HECTD2: variants seen among roughly 807,000 people sequenced by gnomAD.
HECTD2 encodes probable E3 ubiquitin-protein ligase HECTD2.
HECTD2 carries 35 observed loss-of-function variants against 103.2 expected under a neutral mutation model. That is an observed-to-expected ratio of 0.34 (90% CI 0.26 to 0.45). The LOEUF (loss-of-function observed/expected upper bound fraction) is 0.45, where lower values mean the gene tolerates loss of function less well. Among genes scored for constraint, HECTD2 ranks in the 20% least tolerant of loss-of-function variants. HECTD2 has a pLI of 1.00. For missense variants in HECTD2, 596 were observed against 937.4 expected, an observed-to-expected ratio of 0.64 and a Z score of 4.76; for synonymous variants, 281 against 329.9, an observed-to-expected ratio of 0.85 and a Z score of 1.61.
chr10:91,496,603 T>C (rs1846674544), intron 15 of HECTD2, among the ~76,000 whole-genome samples: 1 of 152,202 alleles, frequency 6.6e-6, no homozygotes, highest in Admixed American at 6.5e-5. Flanking sequence ...GAATCCAGGC[T>C]CTGTCACTTA....
chr10:91,461,215 T>C lies in HECTD2; in HGVS notation c.408-39T>C, dbSNP rs181371951. On this transcript the variant is annotated intron_variant, in intron 3 of 20. Transcript: ENST00000298068. ...GTAATACTAGTTTATCTGAATAATA[T>C]TTCTATATGTATATACGGTTAATGT... 41 of 885,948 alleles carry C rather than the reference T, an allele frequency of 4.6e-5. No individual in the cohort carries two copies. In the East Asian group the frequency reaches 8.7e-4, roughly 19 times the overall value. The allele number at this position is 885,948 out of a possible 1,614,324, so 54.9% of individuals were successfully genotyped here.
intron 2 of HECTD2, among the ~76,000 whole-genome samples, chr10:91,458,389 T>C (rs1845201970): frequency 6.6e-6 from 1 of 152,018 alleles, no homozygotes; most frequent in South Asian, 2.1e-4. Context: ...GCATTTCCTG[T>C]CAAAATTCCT....
In HECTD2 at chr10:91,503,617, G is replaced by A. The variant is rs569872462; in HGVS notation, c.2210+2283G>A. On this transcript the variant is annotated intron_variant, in intron 20 of 20. Transcript: ENST00000298068. ...CGAGATTATATCCCGCACTTGGCTC[G>A]GAGGGTCCTACCCCACGGAGTCTCG... Among the ~76,000 whole-genome samples the A allele has an allele frequency of 7.9e-5, 12 of 152,264 alleles. No homozygotes were observed. The East Asian group carries it at 1.4e-3, about 17-fold the overall frequency.
In HECTD2 at chr10:91,435,730, C is replaced by T. The variant is rs190527210; in HGVS notation, c.268+10320C>T. Among the ~76,000 whole-genome samples, 103 of 152,086 alleles carry T rather than the reference C, an allele frequency of 6.8e-4. No individual in the cohort carries two copies. In the East Asian group the frequency reaches 0.016, roughly 23 times the overall value. ...TGTGCCTTGGTGTGAGGTTTGTATT[C>T]ATCCCTTGTGCTATATACTCGGTCT... On this transcript the variant is annotated intron_variant, in intron 2 of 20. Coordinates refer to ENST00000298068, the MANE Select transcript of HECTD2 (RefSeq NM_182765.6).
chr10:91,500,725 A>T (rs114135463), intron 19 of HECTD2, 108 bp downstream of exon 19: 15 of 581,752 alleles, frequency 2.6e-5, no homozygotes, highest in Non-Finnish European at 4.6e-5. Flanking sequence ...AAGTTAGTCA[A>T]AATATTAGAG....
At chr10:91,458,520 GT>G (rs1317526069) in intron 2 of HECTD2, among the ~76,000 whole-genome samples, 2 of 151,930 alleles carry the variant, frequency 1.3e-5, no homozygotes, top group South Asian at 2.1e-4. Context: ...AGTCTACCTG[GT>G]TTTTATTATA....
In HECTD2 at chr10:91,461,937, T is replaced by C. The variant is rs535366457; in HGVS notation, c.511-158T>C. Among the ~76,000 whole-genome samples, 6 of 152,332 alleles carry C rather than the reference T, an allele frequency of 3.9e-5. No homozygotes were observed. In the East Asian group the frequency reaches 1.2e-3, roughly 29 times the overall value. On this transcript the variant is annotated intron_variant, in intron 4 of 20. Coordinates refer to ENST00000298068, the MANE Select transcript of HECTD2 (RefSeq NM_182765.6). ...AAGAAAGTTATTAAAATAATCTTTG[T>C]ACATTTCTTTTTATTTTCAGAAATT...
At chr10:91,493,302 A>C (rs1846545616) in intron 13 of HECTD2, 118 bp from the exon 14 acceptor site, 3 of 458,924 alleles carry the variant, frequency 6.5e-6, no homozygotes, top group Non-Finnish European at 1.1e-5. Flanking sequence ...ATGGTTTGTA[A>C]CAGAATTATT....
Position 91,512,491 on chromosome 10 carries a change from C to CAACT in HECTD2, c.*108_*111dup. ...CTCAAAACACTTTGACAAAGCTCAC[C>CAACT]AACTTTAAAATATTAAGTTTTTAAA... On this transcript the variant is annotated 3_prime_UTR_variant, in exon 21 of 21. Coordinates refer to ENST00000298068, the MANE Select transcript of HECTD2 (RefSeq NM_182765.6). 9.8e-7 allele frequency: 1 copy of CAACT among 1,024,304 alleles called. No individual in the cohort carries two copies. The highest frequency in any genetic ancestry group is 2.4e-5 in the East Asian group (1 of 41,444). 63.5% of individuals were successfully genotyped at this position (1,024,304 alleles called of 1,614,324 possible).
intron 2 of HECTD2, among the ~76,000 whole-genome samples, chr10:91,429,621 CGAG>C (rs1843744883): frequency 6.6e-6 from 1 of 152,104 alleles, no homozygotes; most frequent in South Asian, 2.1e-4. Context: ...GTGTATGTGT[CGAG>C]GAATTTATCC....
chr10:91,487,660 C>T lies in HECTD2; in HGVS notation c.1095-22C>T. 6.5e-7 allele frequency: 1 copy of T among 1,542,736 alleles called. No individual in the cohort carries two copies. The highest frequency in any genetic ancestry group is 9.0e-7 in the Non-Finnish European group (1 of 1,115,546). On this transcript the variant is annotated intron_variant, in intron 10 of 20. Transcript: ENST00000298068. This position sits in a 1 kb window ranked among gnomAD's most constrained non-coding sequence, Gnocchi z 4.1. ...TTAAAAATACACCATTTTGCTTTTT[C>T]TTTTTTTCACTTGTTGAGCAGGTTT...
chr10:91,506,778 G>A (rs972931056), intron 20 of HECTD2, among the ~76,000 whole-genome samples: 3 of 151,890 alleles, frequency 2.0e-5, no homozygotes, highest in Non-Finnish European at 4.4e-5. Flanking sequence ...ATTTTATGAG[G>A]CCAACATCAT....
At chr10:91,504,267 G>A (rs1319086885) in intron 20 of HECTD2, among the ~76,000 whole-genome samples, 1 of 152,226 alleles carries the variant, frequency 6.6e-6, no homozygotes, top group Non-Finnish European at 1.5e-5. Flanking sequence ...ACAGAACAAA[G>A]CTGGACGGAG....
At chr10:91,432,392 A>G (rs1326240590) in intron 2 of HECTD2, among the ~76,000 whole-genome samples, 1 of 151,946 alleles carries the variant, frequency 6.6e-6, no homozygotes, top group Admixed American at 6.6e-5. Flanking sequence ...CCTGTGGATC[A>G]CATGACTAGG....
At chr10:91,510,378 C>T (rs565589677) in intron 20 of HECTD2, among the ~76,000 whole-genome samples, 12 of 152,282 alleles carry the variant, frequency 7.9e-5, no homozygotes, top group Non-Finnish European at 1.3e-4. Flanking sequence ...AAAAGATATA[C>T]ATAATTTGGT....
chr10:91,443,832 C>G (rs148802398), intron 2 of HECTD2, among the ~76,000 whole-genome samples: 2 of 152,336 alleles, frequency 1.3e-5, no homozygotes, highest in East Asian at 3.9e-4. Context: ...TTTATTAAAT[C>G]TACTTCAGTG....
intron 20 of HECTD2, among the ~76,000 whole-genome samples, chr10:91,510,887 C>T (rs1418192823): frequency 1.3e-5 from 2 of 152,174 alleles, no homozygotes; most frequent in East Asian, 3.8e-4. Flanking sequence ...GGGCCTACAT[C>T]TTTACCAGCT....
At chr10:91,422,232 C>T (rs1394640148) in intron 1 of HECTD2, among the ~76,000 whole-genome samples, 4 of 152,112 alleles carry the variant, frequency 2.6e-5, no homozygotes, top group Non-Finnish European at 5.9e-5. Context: ...CTTGCTGGAC[C>T]ATTCTCCCTT....
At chr10:91,470,005 C>A (rs1482508214) in intron 5 of HECTD2, among the ~76,000 whole-genome samples, 1 of 152,160 alleles carries the variant, frequency 6.6e-6, no homozygotes, top group Admixed American at 6.5e-5. Flanking sequence ...GAGTTCAGTT[C>A]AACAAGAAGA....
Sources: gnomAD v4.1 joint callset for allele counts (sites outside exome capture counted in the v4.1 genomes callset) on GRCh38, gnomAD v4.1.1 for gene constraint, Gnocchi (gnomAD v3.1) non-coding constraint, MANE v1.5 for transcripts, NCBI Gene and HGNC (gene_info 2026-07-23, HGNC 2026-07-21) for gene names.